FBXO15: variants seen among roughly 807,000 people sequenced by gnomAD.
FBXO15 encodes F-box only protein 15.
FBXO15 carries 30 observed loss-of-function variants against 49.5 expected under a neutral mutation model. The observed-to-expected ratio is 0.61, with a 90% CI of 0.45 to 0.82. The LOEUF (loss-of-function observed/expected upper bound fraction) is 0.82, where lower values mean the gene tolerates loss of function less well. FBXO15 is among the 40% of genes least tolerant of loss of function. FBXO15 has a pLI of 0.00. For synonymous variants in FBXO15, 250 were observed against 232.7 expected (o/e 1.07, Z -0.68); for missense variants, 591 against 631.5 (o/e 0.94, Z 0.69).
At chr18:74,095,221 G>A (rs113326803) in intron 8 of FBXO15, among the ~76,000 whole-genome samples, 46 of 152,182 alleles carry the variant, frequency 3.0e-4, no homozygotes, top group African/African-American at 1.1e-3. Flanking sequence ...TTTATCATTT[G>A]TATGTTCACT....
intron 2 of FBXO15, among the ~76,000 whole-genome samples, chr18:74,136,551 G>A (rs770262084): frequency 2.6e-5 from 4 of 152,136 alleles, no homozygotes; most frequent in Admixed American, 6.5e-5. Context: ...GATCCCAGGC[G>A]CCACCTTCTG....
At chr18:74,126,133 A>G (rs918968001) in intron 5 of FBXO15, 32 bp from the exon 6 acceptor site, 1 of 1,611,474 alleles carries the variant, frequency 6.2e-7, no homozygotes, top group African/African-American at 1.3e-5. Context: ...AAGGAGAGAG[A>G]GAAGTGAGCT....
At chr18:74,129,306 TA>T (rs1978309850) in intron 5 of FBXO15, 98 bp downstream of exon 5, 1 of 1,039,762 alleles carries the variant, frequency 9.6e-7, no homozygotes, top group Non-Finnish European at 1.4e-6. Context: ...GTGATAAAAT[TA>T]AAAAACGCTG....
At chr18:74,146,234 A>C (rs1296756487) in intron 1 of FBXO15, among the ~76,000 whole-genome samples, 2 of 152,256 alleles carry the variant, frequency 1.3e-5, no homozygotes, top group Non-Finnish European at 2.9e-5. Context: ...TTTGTGTTAA[A>C]AGGGAACACT....
At chr18:74,126,188 G>C in intron 5 of FBXO15, 87 bp from the exon 6 acceptor site, 1 of 1,539,164 alleles carries the variant, frequency 6.5e-7, no homozygotes, top group Non-Finnish European at 8.9e-7. Flanking sequence ...TATCACAAAT[G>C]TGTTTGAAGA....
At chr18:74,111,093 C>T (rs1385367172) in intron 8 of FBXO15, among the ~76,000 whole-genome samples, 1 of 151,760 alleles carries the variant, frequency 6.6e-6, no homozygotes, top group African/African-American at 2.4e-5. Context: ...CATCATACAA[C>T]AAGAGCAGAA....
At chr18:74,119,658 G>A (rs1445023727) in intron 8 of FBXO15, among the ~76,000 whole-genome samples, 1 of 152,074 alleles carries the variant, frequency 6.6e-6, no homozygotes, top group Non-Finnish European at 1.5e-5. Context: ...CAGGCAGGAG[G>A]GGCACACCAA....
chr18:74,119,830 C>CT (rs1432714831), intron 8 of FBXO15, among the ~76,000 whole-genome samples: 1 of 152,094 alleles, frequency 6.6e-6, no homozygotes, highest in Non-Finnish European at 1.5e-5. Context: ...ACACACAGGG[C>CT]TCTGTAACGG....
rs1978332815 is a variant in FBXO15 at position 74,130,563 on chromosome 18, A to C, written c.428T>G (p.Phe143Cys). ...SVEKIAMSMS[F>C]LSVQDKEAGY... ...AGCTTCTTTATCCTGAACTGACAGA[A>C]AGCTCATAGACATAGCTATCTTCTC... is the stretch of plus-strand genomic sequence containing the variant. Residue 143 changes from phenylalanine to cysteine, a missense_variant, in exon 4 of 10, where the codon TTT (phenylalanine) becomes TGT (cysteine). Transcript: ENST00000419743. 1 of 1,614,042 alleles carries C rather than the reference A, an allele frequency of 6.2e-7. No homozygotes were observed. The highest frequency in any genetic ancestry group is 1.7e-5 in the Admixed American group (1 of 60,004).
intron 9 of FBXO15, among the ~76,000 whole-genome samples, chr18:74,079,191 G>T (rs1325123976): frequency 6.6e-6 from 1 of 152,204 alleles, no homozygotes; most frequent in East Asian, 1.9e-4. Context: ...TACGGGAAAA[G>T]CCTCACCAAA....
At chr18:74,143,532 T>C (rs1053322607) in intron 1 of FBXO15, among the ~76,000 whole-genome samples, 1 of 152,194 alleles carries the variant, frequency 6.6e-6, no homozygotes, top group African/African-American at 2.4e-5. Context: ...AGCCAGGAAT[T>C]CCACTTCTAG....
chr18:74,077,880 C>T (rs1334870649), intron 9 of FBXO15, among the ~76,000 whole-genome samples: 1 of 152,192 alleles, frequency 6.6e-6, no homozygotes, highest in Non-Finnish European at 1.5e-5. Context: ...CACCACCCTG[C>T]ACGACCTTAG....
In FBXO15 at chr18:74,075,219, C is replaced by T. The variant is rs1912212012; in HGVS notation, c.1264-1489G>A. 6.6e-6 allele frequency among the ~76,000 whole-genome samples: 1 copy of T among 152,208 alleles called. No homozygotes were observed. The highest frequency in any genetic ancestry group is 1.5e-5 in the Non-Finnish European group (1 of 68,032). On this transcript the variant is annotated intron_variant, in intron 9 of 9. Coordinates refer to ENST00000419743, the MANE Select transcript of FBXO15 (RefSeq NM_001142958.2). The surrounding 1 kb of genome is among the most constrained non-coding windows in gnomAD (Gnocchi z 4.1). Reference sequence around the variant, plus strand: ...CTCTGCATCCTGCTAGGAGGGTGATCTCTGCAGAGAACCTCGGCCTTCACA... The same window carrying T: ...CTCTGCATCCTGCTAGGAGGGTGATTTCTGCAGAGAACCTCGGCCTTCACA...
chr18:74,121,759 T>A (rs1325232944), intron 8 of FBXO15, among the ~76,000 whole-genome samples: 1 of 152,120 alleles, frequency 6.6e-6, no homozygotes, highest in Non-Finnish European at 1.5e-5. Context: ...CAAAGTGACA[T>A]TAAACAAGGG....
chr18:74,133,668 G>T (rs1260424637), intron 3 of FBXO15, among the ~76,000 whole-genome samples: 1 of 152,188 alleles, frequency 6.6e-6, no homozygotes, highest in Non-Finnish European at 1.5e-5. Flanking sequence ...AGTTCTGCAG[G>T]CTATACAAGG....
At chr18:74,142,333 A>G (rs1287984474) in intron 1 of FBXO15, among the ~76,000 whole-genome samples, 10 of 152,364 alleles carry the variant, frequency 6.6e-5, no homozygotes, top group Admixed American at 6.5e-4. Flanking sequence ...TTTCCACAGG[A>G]GAAAAGCTTA....
chr18:74,142,117 A>G (rs768584090), intron 1 of FBXO15, among the ~76,000 whole-genome samples: 40 of 152,208 alleles, frequency 2.6e-4, no homozygotes, highest in Non-Finnish European at 5.3e-4. Context: ...CAGCTTCAGT[A>G]AAAGGTGCTT....
chr18:74,127,154 G>A (rs1365293120), intron 5 of FBXO15, among the ~76,000 whole-genome samples: 1 of 152,186 alleles, frequency 6.6e-6, no homozygotes, highest in Non-Finnish European at 1.5e-5. Flanking sequence ...CACGGCATGG[G>A]GCAGGTGCTC....
intron 5 of FBXO15, among the ~76,000 whole-genome samples, chr18:74,128,570 A>G (rs1015426387): frequency 6.6e-6 from 1 of 152,210 alleles, no homozygotes; most frequent in African/African-American, 2.4e-5. Flanking sequence ...CAGGAAACCA[A>G]CGCAGGAGAA....
Sources: gnomAD v4.1 joint callset for allele counts (sites outside exome capture counted in the v4.1 genomes callset) on GRCh38, gnomAD v4.1.1 for gene constraint, Gnocchi (gnomAD v3.1) non-coding constraint, MANE v1.5 for transcripts, NCBI Gene and HGNC (gene_info 2026-07-23, HGNC 2026-07-21) for gene names.